The following BRAF variants were observed in gnomAD, a reference collection of about 807,000 sequenced individuals.
The protein encoded by BRAF is B-Raf proto-oncogene, serine/threonine kinase, also known as serine/threonine-protein kinase B-raf.
A neutral mutation model predicts 104.6 loss-of-function variants in BRAF; 16 were observed. That is an observed-to-expected ratio of 0.15 (90% CI 0.10 to 0.23). The LOEUF (loss-of-function observed/expected upper bound fraction) is 0.23, where lower values mean the gene tolerates loss of function less well. Among genes scored for constraint, BRAF ranks in the 10% least tolerant of loss-of-function variants. The pLI, the probability that BRAF is intolerant of heterozygous loss-of-function variation, is 1.00. For missense variants in BRAF, 541 were observed against 937.3 expected, an observed-to-expected ratio of 0.58 and a Z score of 5.52; for synonymous variants, 310 against 341.6, an observed-to-expected ratio of 0.91 and a Z score of 1.02.
At chr7:140,833,398 T>C (rs954672378) in intron 3 of BRAF, among the ~76,000 whole-genome samples, 1 of 152,196 alleles carries the variant, frequency 6.6e-6, no homozygotes, top group African/African-American at 2.4e-5. Flanking sequence ...TAATTTAAGA[T>C]CTACTGGGGA....
intron 17 of BRAF, among the ~76,000 whole-genome samples, chr7:140,748,044 T>C (rs1247617665): frequency 1.3e-5 from 2 of 152,178 alleles, no homozygotes; most frequent in Non-Finnish European, 2.9e-5. Context: ...TGGGTAGAAA[T>C]GTAGCCATTT....
chr7:140,885,870 A>AG (rs1308061926), intron 1 of BRAF, among the ~76,000 whole-genome samples: 1 of 152,226 alleles, frequency 6.6e-6, no homozygotes, highest in Non-Finnish European at 1.5e-5. Context: ...TGTGGGAGTA[A>AG]GAGTATTCCA....
At chr7:140,751,206 T>C (rs888482096) in intron 16 of BRAF, among the ~76,000 whole-genome samples, 2 of 152,236 alleles carry the variant, frequency 1.3e-5, no homozygotes, top group Admixed American at 6.5e-5. Context: ...TAAAACTTTA[T>C]GTATAATAAT....
At chr7:140,751,616 A>T (rs886145822) in intron 16 of BRAF, among the ~76,000 whole-genome samples, 1 of 152,220 alleles carries the variant, frequency 6.6e-6, no homozygotes, top group Admixed American at 6.5e-5. Flanking sequence ...GACTTAGAGG[A>T]GGTTAAGAAA....
In BRAF at chr7:140,725,698, G is replaced by T; in HGVS notation, c.*796C>A. The T allele has an allele frequency of 9.5e-7, 1 of 1,050,972 alleles. No individual in the cohort carries two copies. The highest frequency in any genetic ancestry group is 1.1e-6 in the Non-Finnish European group (1 of 873,474). 65.1% of individuals were successfully genotyped at this position (1,050,972 alleles called of 1,614,324 possible). ...TCCTGAGAATTTGCTACATTGTGGAGGAAAAAAAAAAAACCCAAACACTTA... is the reference window on the plus strand; with the variant it reads ...TCCTGAGAATTTGCTACATTGTGGATGAAAAAAAAAAAACCCAAACACTTA... On this transcript the variant is annotated 3_prime_UTR_variant, in exon 20 of 20. Transcript: ENST00000644969.
chr7:140,755,299 T>C (rs1029891102), intron 14 of BRAF, among the ~76,000 whole-genome samples: 4 of 152,212 alleles, frequency 2.6e-5, no homozygotes, highest in Non-Finnish European at 4.4e-5. Context: ...AATAGCTATA[T>C]GACACTTCTG....
At chr7:140,916,731 G>A (rs1238697824) in intron 1 of BRAF, among the ~76,000 whole-genome samples, 1 of 152,172 alleles carries the variant, frequency 6.6e-6, no homozygotes, top group African/African-American at 2.4e-5. Context: ...TCAAGACAGA[G>A]ATATATTAAC....
At chr7:140,780,701 T>C (rs1800784025) in intron 12 of BRAF, 1 of 152,174 alleles carries the variant, frequency 6.6e-6, no homozygotes, top group African/African-American at 2.4e-5. Context: ...TATAATCACA[T>C]ATGATGGTAT....
intron 3 of BRAF, among the ~76,000 whole-genome samples, chr7:140,827,917 A>G (rs544158332): frequency 6.6e-6 from 1 of 152,010 alleles, no homozygotes; most frequent in African/African-American, 2.4e-5. Context: ...TTTTTTTGAG[A>G]TGGAGTTTTG....
intron 7 of BRAF, among the ~76,000 whole-genome samples, chr7:140,794,977 A>G (rs1802359579): frequency 2.0e-5 from 3 of 152,226 alleles, no homozygotes; most frequent in Non-Finnish European, 2.9e-5. Flanking sequence ...CCAGAACAAT[A>G]TTGAAAAATC....
intron 1 of BRAF, among the ~76,000 whole-genome samples, chr7:140,876,765 T>G (rs1339907641): frequency 4.6e-5 from 7 of 152,022 alleles, no homozygotes; most frequent in Non-Finnish European, 1.0e-4. Flanking sequence ...AGTAAGAATA[T>G]GGAAGAAATG....
intron 1 of BRAF, among the ~76,000 whole-genome samples, chr7:140,867,347 A>G (rs1011245325): frequency 6.6e-6 from 1 of 152,228 alleles, no homozygotes; most frequent in Non-Finnish European, 1.5e-5. Flanking sequence ...ATGCCATAGC[A>G]TGAAGGCAGG....
In BRAF at chr7:140,736,609, TA is replaced by T. The variant is rs974178747; in HGVS notation, c.2248-1840del. Among the ~76,000 whole-genome samples the T allele has an allele frequency of 3.5e-4, 53 of 151,668 alleles. 1 individual carries two copies. Among genetic ancestry groups the T allele is most frequent in the African/African-American group, 1.2e-3 (49 of 41,430 alleles). The stretch of plus-strand genomic sequence containing the variant: ...CGCCTGGCTAATTTTGTATTCTTAG[TA>T]GAGTCAGAGTTTCTCCATGTTGGTC... On this transcript the variant is annotated intron_variant, in intron 18 of 19. Coordinates refer to ENST00000644969, the MANE Select transcript of BRAF (RefSeq NM_001374258.1).
rs1033928919 is a variant in BRAF, at chr7:140,798,559, C to CTTTTTTTT, written c.980+1795_980+1802dup. ...ACAGGAGTGAGCCACCGCGCCCGGC[C>CTTTTTTTT]TTTTTTTTTTTTTTTTTTTTTAAAG... On this transcript the variant is annotated intron_variant, in intron 7 of 19. Coordinates refer to ENST00000644969, the MANE Select transcript of BRAF (RefSeq NM_001374258.1). 8.8e-5 allele frequency among the ~76,000 whole-genome samples: 11 copies of CTTTTTTTT among 125,330 alleles called. No individual in the cohort carries two copies. In the South Asian group the frequency reaches 1.6e-3, roughly 18 times the overall value. 82.2% of individuals were successfully genotyped at this position (125,330 alleles called of 152,430 possible).
At chr7:140,869,131 G>A (rs940614953) in intron 1 of BRAF, among the ~76,000 whole-genome samples, 8 of 152,116 alleles carry the variant, frequency 5.3e-5, no homozygotes, top group Non-Finnish European at 1.2e-4. Flanking sequence ...AAAATATCCC[G>A]GGAGGCACAT....
At chr7:140,755,318 CAAT>C (rs1352270129) in intron 14 of BRAF, among the ~76,000 whole-genome samples, 2 of 152,108 alleles carry the variant, frequency 1.3e-5, no homozygotes, top group Non-Finnish European at 2.9e-5. Flanking sequence ...TGAAATCTGA[CAAT>C]GATCATTAGA....
At chr7:140,874,500 TA>T (rs1220171381) in intron 1 of BRAF, among the ~76,000 whole-genome samples, 2 of 90,346 alleles carry the variant, frequency 2.2e-5, no homozygotes, top group Admixed American at 1.3e-4. Flanking sequence ...GCGACTGGCC[TA>T]AAAAAAGTTT....
chr7:140,788,983 G>A (rs1012733525), intron 8 of BRAF, among the ~76,000 whole-genome samples: 2 of 151,822 alleles, frequency 1.3e-5, no homozygotes, highest in Non-Finnish European at 2.9e-5. Context: ...GGCTGAGGCT[G>A]GTGGATCACG....
intron 2 of BRAF, among the ~76,000 whole-genome samples, chr7:140,849,279 T>C (rs538785768): frequency 3.7e-4 from 57 of 152,204 alleles, no homozygotes; most frequent in African/African-American, 1.3e-3. Context: ...TACTAACTCA[T>C]AGGATTAATG....
Sources: gnomAD v4.1 joint callset for allele counts (sites outside exome capture counted in the v4.1 genomes callset) on GRCh38, gnomAD v4.1.1 for gene constraint, MANE v1.5 for transcripts, NCBI Gene and HGNC (gene_info 2026-07-23, HGNC 2026-07-21) for gene names.